The following WDPCP variants were observed in gnomAD, a reference collection of about 807,000 sequenced individuals.
WDPCP encodes WD repeat containing planar cell polarity effector.
In WDPCP, 71 loss-of-function variants were observed where a neutral mutation model predicts 93.1. The ratio of observed to expected loss-of-function variants is 0.76; its 90% confidence interval spans 0.63 to 0.93. The LOEUF is 0.93. WDPCP is among the 40% of genes least tolerant of loss of function. The probability of loss-of-function intolerance (pLI) is 0.00; values close to 1 mark genes in which losing one functional copy is unlikely to be tolerated. For missense variants in WDPCP, 844 were observed against 887.4 expected (o/e 0.95, Z 0.62); for synonymous variants, 315 against 315.0 (o/e 1.00, Z 0.00).
chr2:63,454,523 A>G (rs1698493950), intron 6 of WDPCP, among the ~76,000 whole-genome samples: 1 of 147,058 alleles, frequency 6.8e-6, no homozygotes, highest in Non-Finnish European at 1.5e-5. Flanking sequence ...AAAAATAAAA[A>G]AATAAAAAAA....
chr2:63,446,580 G>A (rs1007548020), intron 6 of WDPCP, among the ~76,000 whole-genome samples: 1 of 152,170 alleles, frequency 6.6e-6, no homozygotes, highest in Non-Finnish European at 1.5e-5. Flanking sequence ...ATAAAGAAAG[G>A]GTAATGTGAT....
chr2:63,184,499 T>C (rs1219489162), intron 14 of WDPCP, among the ~76,000 whole-genome samples: 10 of 152,134 alleles, frequency 6.6e-5, no homozygotes, highest in Admixed American at 6.6e-5. Context: ...AAATCTGTGG[T>C]TGACAATTTT....
intron 14 of WDPCP, chr2:63,232,826 T>A (rs193268560): frequency 1.1e-4 from 17 of 159,472 alleles, no homozygotes; most frequent in African/African-American, 4.1e-4. Context: ...ACCTGCATGC[T>A]CTTTGTTTAT....
chr2:63,736,894 A>G (rs779714876), intron 2 of WDPCP, among the ~76,000 whole-genome samples: 6 of 152,210 alleles, frequency 3.9e-5, no homozygotes, highest in Non-Finnish European at 8.8e-5. Flanking sequence ...CACTGCAGGC[A>G]TATTATGTCA....
rs138552875 is a variant in WDPCP, at chr2:63,779,999, G to A, written n.308+33623C>T. Among the ~76,000 whole-genome samples the A allele has an allele frequency of 5.1e-3, 779 of 152,206 alleles. 1 individual carries two copies. The highest frequency in any genetic ancestry group is 0.044 in the Middle Eastern group (13 of 294). On this transcript the variant is annotated intron_variant and non_coding_transcript_variant, in intron 2 of 4. Transcript: ENST00000467687. Reference sequence around the variant, plus strand: ...CTTAATAATTTATCAAATAGTTAGGGTTCTTGGTATGCAAGGGTGAATAAA... The same window carrying A: ...CTTAATAATTTATCAAATAGTTAGGATTCTTGGTATGCAAGGGTGAATAAA...
intron 2 of WDPCP, among the ~76,000 whole-genome samples, chr2:63,768,300 A>G (rs973562645): frequency 6.7e-6 from 1 of 148,500 alleles, no homozygotes; most frequent in African/African-American, 2.5e-5. Context: ...TTATGCCACT[A>G]TCTTTAAGTC....
chr2:63,164,499 C>T (rs1672830587), intron 15 of WDPCP, among the ~76,000 whole-genome samples: 1 of 152,152 alleles, frequency 6.6e-6, no homozygotes, highest in African/African-American at 2.4e-5. Flanking sequence ...ATTCCTCCTG[C>T]TCTGACCATG....
At chr2:63,251,843 A>AT (rs1255497304) in intron 14 of WDPCP, among the ~76,000 whole-genome samples, 3 of 151,906 alleles carry the variant, frequency 2.0e-5, no homozygotes, top group Non-Finnish European at 4.4e-5. Context: ...TTGCAGCTGA[A>AT]TTATACTAGA....
At chr2:63,589,996 C>G (rs1383427940), upstream of WDPCP, 2 of 153,850 alleles carry the variant, frequency 1.3e-5, no homozygotes, top group African/African-American at 4.8e-5. Context: ...TGGAAATTTC[C>G]CAGAACCTGA....
chr2:63,302,789 T>C (rs1417388933), intron 13 of WDPCP, among the ~76,000 whole-genome samples: 2 of 152,226 alleles, frequency 1.3e-5, no homozygotes, highest in Non-Finnish European at 2.9e-5. Context: ...GGTTAAGATG[T>C]AGACCCAGGA....
chr2:63,413,304 T>A lies in WDPCP; in HGVS notation c.826-8647A>T, dbSNP rs1336032716. Among the ~76,000 whole-genome samples the A allele has an allele frequency of 3.9e-5, 6 of 152,188 alleles. No individual in the cohort carries two copies. In the East Asian group the frequency reaches 1.2e-3, roughly 29 times the overall value. On this transcript the variant is annotated intron_variant, in intron 9 of 17. Transcript: ENST00000272321. ...CCCTATTCAACAAATGATGCTAGGATAATTGGCTAGCCACATGTAGAAGAA... is the reference window on the plus strand; with the variant it reads ...CCCTATTCAACAAATGATGCTAGGAAAATTGGCTAGCCACATGTAGAAGAA...
intron 6 of WDPCP, among the ~76,000 whole-genome samples, chr2:63,459,876 C>T (rs1172036762): frequency 6.6e-6 from 1 of 151,416 alleles, no homozygotes; most frequent in Non-Finnish European, 1.5e-5. Context: ...GAGATTGCGC[C>T]ACTGTACTCC....
chr2:63,812,660 A>G (rs893308974), intron 2 of WDPCP, among the ~76,000 whole-genome samples: 4 of 152,128 alleles, frequency 2.6e-5, no homozygotes, highest in African/African-American at 9.7e-5. Context: ...AGACCCAGCT[A>G]AACTGTGCCT....
intron 9 of WDPCP, among the ~76,000 whole-genome samples, chr2:63,424,873 C>T (rs1180081062): frequency 6.6e-6 from 1 of 152,110 alleles, no homozygotes; most frequent in Admixed American, 6.5e-5. Flanking sequence ...TGCGAGTGAT[C>T]GGAGGGGGAT....
At chr2:63,747,401 A>T (rs1318133267) in intron 2 of WDPCP, among the ~76,000 whole-genome samples, 1 of 152,040 alleles carries the variant, frequency 6.6e-6, no homozygotes, top group Non-Finnish European at 1.5e-5. Flanking sequence ...GTATTTTTTT[A>T]AAGGCTTTGG....
intron 3 of WDPCP, chr2:63,605,349 G>A: frequency 6.2e-7 from 1 of 1,614,222 alleles, no homozygotes; most frequent in Non-Finnish European, 8.5e-7. Context: ...TGCTGCAAAA[G>A]CCATCTGTGA....
At chr2:63,824,406 G>A (rs1385012386) in intron 1 of WDPCP, among the ~76,000 whole-genome samples, 2 of 151,632 alleles carry the variant, frequency 1.3e-5, no homozygotes, top group Non-Finnish European at 2.9e-5. Flanking sequence ...AAATTAGCCA[G>A]GCATGGTGGC....
At position 63,120,664 on chromosome 2, in the gene WDPCP, C is replaced by T. The variant is rs1669499326; in HGVS notation, c.*1342G>A. The stretch of plus-strand genomic sequence containing the variant: ...GCTTCAGCCTCCCAAGTAGTTGGGA[C>T]TACAGGTGCACGCCACCACGCCCGG... On this transcript the variant is annotated 3_prime_UTR_variant, in exon 18 of 18. Transcript: ENST00000272321. Among the ~76,000 whole-genome samples the T allele has an allele frequency of 6.6e-6, 1 of 150,682 alleles. No individual in the cohort carries two copies. The highest frequency in any genetic ancestry group is 1.5e-5 in the Non-Finnish European group (1 of 67,778).
chr2:63,393,265 C>T (rs538288330), intron 10 of WDPCP, among the ~76,000 whole-genome samples: 1 of 152,166 alleles, frequency 6.6e-6, no homozygotes, highest in South Asian at 2.1e-4. Context: ...AACCATCATT[C>T]TCAGCAAACT....
Sources: allele counts gnomAD v4.1 joint callset (sites outside exome capture counted in the v4.1 genomes callset), GRCh38; gene constraint gnomAD v4.1.1; transcripts MANE v1.5; gene names NCBI Gene and HGNC (gene_info 2026-07-23, HGNC 2026-07-21).